CTNNA3: variants seen among roughly 807,000 people sequenced by gnomAD.
The protein encoded by CTNNA3 is catenin alpha-3.
Under a neutral mutation model 95.7 loss-of-function variants are expected in CTNNA3, and 76 were observed. That is an observed-to-expected ratio of 0.79 (90% confidence interval 0.66 to 0.96). CTNNA3 has a LOEUF of 0.96. CTNNA3 is among the 40% of genes least tolerant of loss of function. The probability of loss-of-function intolerance (pLI) is 0.00; values close to 1 mark genes in which losing one functional copy is unlikely to be tolerated. For synonymous variants in CTNNA3, 431 were observed against 374.4 expected, an observed-to-expected ratio of 1.15 and a Z score of -1.74; for missense variants, 1,191 against 1,089.8, an observed-to-expected ratio of 1.09 and a Z score of -1.31.
rs775303521 is a variant in CTNNA3 at position 67,756,760 on chromosome 10, T to A, written c.-2+6674A>T. Among the ~76,000 whole-genome samples, 8 of 152,150 alleles carry A rather than the reference T, an allele frequency of 5.3e-5. No individual in the cohort carries two copies. The East Asian group carries it at 1.5e-3, about 29-fold the overall frequency. On this transcript the variant is annotated intron_variant, in intron 1 of 17. Transcript: ENST00000684154. ...TGATAAAAATGCTCTGGAATATACA[T>A]TAGTGACAGTAACACAATATTATGA... is the stretch of plus-strand genomic sequence containing the variant.
intron 13 of CTNNA3, among the ~76,000 whole-genome samples, chr10:66,237,946 C>G (rs754487107): frequency 6.6e-6 from 1 of 151,830 alleles, no homozygotes; most frequent in South Asian, 2.1e-4. Context: ...TATGCATTTT[C>G]AAATCAAATC....
chr10:66,217,853 T>C (rs922611349), intron 13 of CTNNA3, among the ~76,000 whole-genome samples: 2 of 152,090 alleles, frequency 1.3e-5, no homozygotes, highest in African/African-American at 2.4e-5. Flanking sequence ...CCAGCGAAAC[T>C]CCACCTTCAA....
At chr10:67,289,464 G>A (rs1049993856) in intron 5 of CTNNA3, among the ~76,000 whole-genome samples, 1 of 152,050 alleles carries the variant, frequency 6.6e-6, no homozygotes, top group Non-Finnish European at 1.5e-5. Flanking sequence ...TTACATCCAA[G>A]GTCTAAGTGT....
intron 11 of CTNNA3, among the ~76,000 whole-genome samples, chr10:66,452,994 T>C (rs1437345564): frequency 6.6e-6 from 1 of 152,030 alleles, no homozygotes; most frequent in African/African-American, 2.4e-5. Flanking sequence ...GGCAGGCGGA[T>C]CACGGGTTCA....
intron 3 of CTNNA3, among the ~76,000 whole-genome samples, chr10:67,587,001 A>C (rs997246955): frequency 6.6e-6 from 1 of 151,872 alleles, no homozygotes; most frequent in Non-Finnish European, 1.5e-5. Flanking sequence ...CATGATGGTA[A>C]ATGTCCTTTT....
At chr10:66,407,150 T>C (rs2093063835) in intron 11 of CTNNA3, among the ~76,000 whole-genome samples, 1 of 151,966 alleles carries the variant, frequency 6.6e-6, no homozygotes, top group African/African-American at 2.4e-5. Context: ...TAGAATGCTT[T>C]CTTAAAAGTG....
intron 7 of CTNNA3, among the ~76,000 whole-genome samples, chr10:67,079,985 G>A (rs1390973446): frequency 2.6e-5 from 4 of 152,024 alleles, no homozygotes; most frequent in Non-Finnish European, 5.9e-5. Flanking sequence ...TGTAGTTAGA[G>A]GAGGGTGGTT....
At chr10:66,047,373 A>G (rs940202722) in intron 15 of CTNNA3, among the ~76,000 whole-genome samples, 1 of 152,236 alleles carries the variant, frequency 6.6e-6, no homozygotes, top group African/African-American at 2.4e-5. Context: ...AACTAAAAAC[A>G]AAAACCACAT....
chr10:65,980,316 G>A (rs1232495815), intron 16 of CTNNA3, among the ~76,000 whole-genome samples: 2 of 151,834 alleles, frequency 1.3e-5, no homozygotes, highest in Non-Finnish European at 2.9e-5. Flanking sequence ...TATGCAGCGA[G>A]ATTGAAACGG....
At chr10:67,240,781 C>T (rs1301838474) in intron 5 of CTNNA3, among the ~76,000 whole-genome samples, 1 of 152,102 alleles carries the variant, frequency 6.6e-6, no homozygotes, top group Non-Finnish European at 1.5e-5. Flanking sequence ...ATGAGGAAAA[C>T]ATTATCACTT....
rs180674510 is a variant in CTNNA3, at chr10:66,649,825, A to G, written c.1282-28041T>C. On this transcript the variant is annotated intron_variant, in intron 9 of 17. Transcript: ENST00000433211. Reference sequence around the variant, plus strand: ...ACCAGACATCACAGATGTAGGCATAAGCCTGACCCAGGACCAGGCCTGACA... The same window carrying G: ...ACCAGACATCACAGATGTAGGCATAGGCCTGACCCAGGACCAGGCCTGACA... Among the ~76,000 whole-genome samples the G allele has an allele frequency of 7.9e-5, 12 of 152,296 alleles. No individual in the cohort carries two copies. In the East Asian group the frequency reaches 2.3e-3, roughly 29 times the overall value.
chr10:66,598,338 T>A (rs935459675), intron 10 of CTNNA3, among the ~76,000 whole-genome samples: 3 of 152,064 alleles, frequency 2.0e-5, no homozygotes, highest in African/African-American at 7.2e-5. Flanking sequence ...GCTTTTACTC[T>A]AAGATCAGGA....
At position 66,103,681 on chromosome 10, in the gene CTNNA3, A is replaced by G. The variant is rs146381809; in HGVS notation, c.1885-432T>C. Among the ~76,000 whole-genome samples the G allele has an allele frequency of 3.7e-3, 564 of 152,162 alleles. 3 individuals are homozygous for G. The highest frequency in any genetic ancestry group is 5.9e-3 in the Non-Finnish European group (400 of 68,006). On this transcript the variant is annotated intron_variant, in intron 13 of 17. Transcript: ENST00000433211. ...TGAAATGTCTGCAATTGGCAAATCTATAGCAATAGAGATTTAATTAGTGTT... is the reference window on the plus strand; with the variant it reads ...TGAAATGTCTGCAATTGGCAAATCTGTAGCAATAGAGATTTAATTAGTGTT...
intron 7 of CTNNA3, among the ~76,000 whole-genome samples, chr10:67,128,438 C>CT (rs901244264): frequency 5.3e-4 from 79 of 148,062 alleles, no homozygotes; most frequent in African/African-American, 1.2e-3. Flanking sequence ...TAATCTGATC[C>CT]TTTTTTTTTT....
At chr10:66,309,502 C>T (rs138500276) in intron 12 of CTNNA3, among the ~76,000 whole-genome samples, 114 of 151,214 alleles carry the variant, frequency 7.5e-4, no homozygotes, top group African/African-American at 2.7e-3. Context: ...ACCATCCTGG[C>T]TAACACTGTG....
intron 13 of CTNNA3, among the ~76,000 whole-genome samples, chr10:66,131,329 G>T (rs748429306): frequency 2.0e-5 from 3 of 152,026 alleles, no homozygotes; most frequent in Non-Finnish European, 2.9e-5. Flanking sequence ...CAAAATACCA[G>T]CAAAAATCCA....
intron 7 of CTNNA3, among the ~76,000 whole-genome samples, chr10:67,001,176 C>T (rs771503607): frequency 7.9e-5 from 12 of 151,234 alleles, no homozygotes; most frequent in Non-Finnish European, 1.6e-4. Flanking sequence ...TGGTGTGTGC[C>T]TGTAATCCCA....
At chr10:65,944,019 T>C (rs576932851) in intron 17 of CTNNA3, among the ~76,000 whole-genome samples, 2 of 152,252 alleles carry the variant, frequency 1.3e-5, no homozygotes, top group Admixed American at 1.3e-4. Flanking sequence ...GTATGCATTT[T>C]TATATGTAGG....
chr10:66,164,274 T>A (rs1310100937), intron 13 of CTNNA3, among the ~76,000 whole-genome samples: 1 of 152,226 alleles, frequency 6.6e-6, no homozygotes, highest in South Asian at 2.1e-4. Flanking sequence ...TCAAGATACC[T>A]ATTAATGAGA....
Sources: gnomAD v4.1 joint callset for allele counts (sites outside exome capture counted in the v4.1 genomes callset) on GRCh38, gnomAD v4.1.1 for gene constraint, MANE v1.5 for transcripts, NCBI Gene and HGNC (gene_info 2026-07-23, HGNC 2026-07-21) for gene names.